Variants in MBD5 observed in about 807,000 individuals in gnomAD.
MBD5 encodes the protein methyl-CpG binding domain protein 5, also known as methyl-CpG-binding domain protein 5.
MBD5 carries 13 observed loss-of-function variants against 117.3 expected under a neutral mutation model. The observed-to-expected ratio is 0.11, with a 90% CI of 0.07 to 0.18. The LOEUF is 0.18. Ranked by LOEUF, MBD5 falls within the 10% of genes least tolerant of loss-of-function variation. The pLI is 1.00. For synonymous variants in MBD5, 727 were observed against 766.4 expected (o/e 0.95, Z 0.85); for missense variants, 1,879 against 2,093.8 (o/e 0.90, Z 2.00).
At chr2:148,218,082 A>G (rs1699601115) in intron 2 of MBD5, among the ~76,000 whole-genome samples, 1 of 152,232 alleles carries the variant, frequency 6.6e-6, no homozygotes. Context: ...ACATAATTTA[A>G]TATCATACAA....
chr2:148,511,767 G>A (rs1464734930), intron 13 of MBD5, among the ~76,000 whole-genome samples: 2 of 152,160 alleles, frequency 1.3e-5, no homozygotes, highest in Admixed American at 1.3e-4. Flanking sequence ...AATGTGTATG[G>A]AGAAGATTAG....
chr2:148,056,730 G>A (rs796674980), intron 1 of MBD5, among the ~76,000 whole-genome samples: 26 of 151,994 alleles, frequency 1.7e-4, no homozygotes, highest in African/African-American at 5.8e-4. Flanking sequence ...AGTGAGATTG[G>A]CCTGTAATTG....
intron 1 of MBD5, among the ~76,000 whole-genome samples, chr2:148,060,106 G>C (rs73007127): frequency 0.064 from 6,773 of 105,242 alleles, 202 homozygotes; most frequent in Middle Eastern, 0.17. Flanking sequence ...GGGCAACATA[G>C]TGAAACCCTG....
intron 2 of MBD5, among the ~76,000 whole-genome samples, chr2:148,186,867 A>G (rs1289862812): frequency 6.6e-6 from 1 of 152,246 alleles, no homozygotes; most frequent in East Asian, 1.9e-4. Context: ...GTAAACAGCA[A>G]AGACTTTAAA....
intron 1 of MBD5, among the ~76,000 whole-genome samples, chr2:148,031,153 T>G (rs917899144): frequency 6.6e-6 from 1 of 152,136 alleles, no homozygotes; most frequent in Non-Finnish European, 1.5e-5. Flanking sequence ...AAAATACAGA[T>G]AGTATAATCA....
At chr2:148,029,714 G>A (rs1202493389) in intron 1 of MBD5, among the ~76,000 whole-genome samples, 1 of 152,128 alleles carries the variant, frequency 6.6e-6, no homozygotes, top group Non-Finnish European at 1.5e-5. Context: ...TTTCTAATTA[G>A]TAGGCAAATT....
chr2:148,479,936 T>C (rs1158141103), intron 8 of MBD5, among the ~76,000 whole-genome samples: 1 of 152,044 alleles, frequency 6.6e-6, no homozygotes, highest in African/African-American at 2.4e-5. Flanking sequence ...ATTTTTCTAG[T>C]TCATAATAAA....
At chr2:148,149,630 T>C (rs1292142210) in intron 1 of MBD5, among the ~76,000 whole-genome samples, 4 of 151,938 alleles carry the variant, frequency 2.6e-5, no homozygotes, top group African/African-American at 9.7e-5. Context: ...ATGATCGCCA[T>C]TCTAACTGGT....
At chr2:148,414,742 G>A (rs1285037906) in intron 4 of MBD5, among the ~76,000 whole-genome samples, 1 of 152,038 alleles carries the variant, frequency 6.6e-6, no homozygotes, top group Non-Finnish European at 1.5e-5. Flanking sequence ...TTTGATCATT[G>A]TTGGTTTAAA....
chr2:148,061,300 T>C (rs1218819280), intron 1 of MBD5, among the ~76,000 whole-genome samples: 4 of 152,034 alleles, frequency 2.6e-5, no homozygotes, highest in Admixed American at 2.6e-4. Flanking sequence ...TCAGTGGCCA[T>C]TTCTTTTTTT....
intron 1 of MBD5, among the ~76,000 whole-genome samples, chr2:148,107,412 GTT>G (rs879920938): frequency 3.3e-5 from 5 of 150,884 alleles, no homozygotes; most frequent in Admixed American, 3.3e-4. Flanking sequence ...TTTGAATTGA[GTT>G]TTTTTTTATC....
intron 4 of MBD5, among the ~76,000 whole-genome samples, chr2:148,343,642 A>G (rs116025676): frequency 8.0e-4 from 122 of 151,818 alleles, no homozygotes; most frequent in Non-Finnish European, 1.5e-3. Flanking sequence ...TGCTTGTTCA[A>G]TTGTTTAAGT....
At chr2:148,227,106 T>C (rs1699849440) in intron 2 of MBD5, among the ~76,000 whole-genome samples, 1 of 152,236 alleles carries the variant, frequency 6.6e-6, no homozygotes, top group Non-Finnish European at 1.5e-5. Context: ...GTGCAGAAGC[T>C]CTTTAGTTTA....
At chr2:148,081,279 A>G (rs889823591) in intron 1 of MBD5, among the ~76,000 whole-genome samples, 2 of 152,174 alleles carry the variant, frequency 1.3e-5, no homozygotes, top group African/African-American at 4.8e-5. Context: ...TGTCTTTTAA[A>G]ATTGTTATAT....
At chr2:148,438,492 A>G (rs912404355) in intron 4 of MBD5, among the ~76,000 whole-genome samples, 2 of 152,184 alleles carry the variant, frequency 1.3e-5, no homozygotes, top group East Asian at 1.9e-4. Context: ...CAACAGAACA[A>G]TTTCACAGAT....
At chr2:148,268,237 T>C (rs1172933706) in intron 3 of MBD5, among the ~76,000 whole-genome samples, 3 of 151,882 alleles carry the variant, frequency 2.0e-5, no homozygotes, top group Non-Finnish European at 4.4e-5. Flanking sequence ...CTGGGATGAG[T>C]GCTCCCTTCC....
chr2:148,123,720 T>G (rs1696822640), intron 1 of MBD5, among the ~76,000 whole-genome samples: 1 of 152,170 alleles, frequency 6.6e-6, no homozygotes, highest in Non-Finnish European at 1.5e-5. Context: ...TTGACACTAT[T>G]AAAATAGGTG....
At chr2:148,205,337 A>G (rs555131874) in intron 2 of MBD5, among the ~76,000 whole-genome samples, 141 of 152,248 alleles carry the variant, frequency 9.3e-4, no homozygotes, top group African/African-American at 3.3e-3. Context: ...TGATCCGCCT[A>G]CCTTGGCTTC....
chr2:148,204,893 A>G (rs991730087), intron 2 of MBD5, among the ~76,000 whole-genome samples: 1 of 152,176 alleles, frequency 6.6e-6, no homozygotes, highest in Admixed American at 6.5e-5. Flanking sequence ...AAAGGATTTA[A>G]CTGTAAAAGA....
Sources: gnomAD v4.1 joint callset for allele counts (sites outside exome capture counted in the v4.1 genomes callset) on GRCh38, gnomAD v4.1.1 for gene constraint, MANE v1.5 for transcripts, NCBI Gene and HGNC (gene_info 2026-07-23, HGNC 2026-07-21) for gene names.